Variants in STARD13 observed in about 807,000 individuals in gnomAD.
STARD13 encodes the protein StAR related lipid transfer domain containing 13.
In STARD13, 62 loss-of-function variants were observed where a neutral mutation model predicts 106.4. The ratio of observed to expected loss-of-function variants is 0.58; its 90% CI spans 0.48 to 0.72. STARD13 has a LOEUF of 0.72. Ranked by LOEUF, STARD13 falls within the 30% of genes least tolerant of loss-of-function variation. The pLI is 0.00. For synonymous variants in STARD13, 565 were observed against 553.0 expected (o/e 1.02, Z -0.31); for missense variants, 1,387 against 1,424.0 (o/e 0.97, Z 0.42).
the STARD13 span, among the ~76,000 whole-genome samples, chr13:33,500,002 C>T: frequency 1.3e-5 from 2 of 151,978 alleles, no homozygotes; most frequent in Non-Finnish European, 2.9e-5. Flanking sequence ...AATCCTCCCA[C>T]CTTGGCCTCC....
chr13:33,113,324 C>G (rs1184655409), intron 8 of STARD13: 4 of 368,082 alleles, frequency 1.1e-5, no homozygotes, highest in Non-Finnish European at 2.1e-5. Flanking sequence ...CCCTGACAGA[C>G]AGCTTGGGAA....
chr13:33,525,804 G>A, the STARD13 span, among the ~76,000 whole-genome samples: 27 of 152,214 alleles, frequency 1.8e-4, no homozygotes, highest in African/African-American at 5.8e-4. Flanking sequence ...GTTGTTTTTG[G>A]TGGGAGGGGG....
chr13:33,409,487 A>G, the STARD13 span, among the ~76,000 whole-genome samples: 1 of 152,350 alleles, frequency 6.6e-6, no homozygotes. Flanking sequence ...AAGTTACTAA[A>G]TGAGATAGAA....
the STARD13 span, among the ~76,000 whole-genome samples, chr13:33,523,410 G>A: frequency 7.2e-5 from 11 of 152,046 alleles, no homozygotes; most frequent in African/African-American, 2.7e-4. Context: ...AAGGACACAT[G>A]ATGTTTGCCT....
At chr13:33,606,087 G>A in the STARD13 span, among the ~76,000 whole-genome samples, 1 of 152,138 alleles carries the variant, frequency 6.6e-6, no homozygotes, top group African/African-American at 2.4e-5. Flanking sequence ...ATCAACTGAG[G>A]TCATGAGTTC....
downstream of STARD13, among the ~76,000 whole-genome samples, chr13:33,347,462 G>T (rs949190044): frequency 1.3e-5 from 2 of 152,058 alleles, no homozygotes; most frequent in Non-Finnish European, 2.9e-5. Context: ...GGCCAGGCTG[G>T]TCTCAAACTC....
intron 3 of STARD13, among the ~76,000 whole-genome samples, chr13:33,147,294 G>A (rs1036345754): frequency 6.6e-6 from 1 of 152,186 alleles, no homozygotes; most frequent in African/African-American, 2.4e-5. Flanking sequence ...AGAACTGTGT[G>A]TATACCCAGG....
the STARD13 span, among the ~76,000 whole-genome samples, chr13:33,366,544 A>G: frequency 6.6e-6 from 1 of 151,966 alleles, no homozygotes; most frequent in Non-Finnish European, 1.5e-5. This position sits in a 1 kb window ranked among gnomAD's most constrained non-coding sequence, Gnocchi z 4.2. Flanking sequence ...TAGATTTTTT[A>G]TTTTCCCTTT....
chr13:33,285,831 T>C, upstream of STARD13: 2 of 1,319,276 alleles, frequency 1.5e-6, no homozygotes, highest in South Asian at 3.4e-5. Flanking sequence ...CGGGAACCAA[T>C]GAGAGGAAGA....
intron 1 of STARD13, among the ~76,000 whole-genome samples, chr13:33,321,098 C>T (rs1344699193): frequency 6.6e-6 from 1 of 152,094 alleles, no homozygotes; most frequent in Non-Finnish European, 1.5e-5. Context: ...ATTATTATTG[C>T]TTAAAACTGA....
the STARD13 span, among the ~76,000 whole-genome samples, chr13:33,675,637 C>G: frequency 6.6e-6 from 1 of 152,100 alleles, no homozygotes; most frequent in African/African-American, 2.4e-5. Context: ...GAAAAGGGTA[C>G]AGTGAGGGTT....
At chr13:33,182,127 CAT>C (rs1466864793) in intron 1 of STARD13, among the ~76,000 whole-genome samples, 1 of 152,200 alleles carries the variant, frequency 6.6e-6, no homozygotes, top group African/African-American at 2.4e-5. Flanking sequence ...ATCATACACA[CAT>C]AGACTAAAAC....
At chr13:33,433,218 A>G in the STARD13 span, among the ~76,000 whole-genome samples, 1 of 152,204 alleles carries the variant, frequency 6.6e-6, no homozygotes, top group Non-Finnish European at 1.5e-5. Context: ...CAAAGTTCCT[A>G]CTAAGTATTG....
intron 1 of STARD13, among the ~76,000 whole-genome samples, chr13:33,204,080 G>A (rs567579012): frequency 3.4e-4 from 52 of 152,124 alleles, no homozygotes; most frequent in Non-Finnish European, 4.9e-4. Flanking sequence ...CTGTTACCTC[G>A]GTCCTTGAAA....
chr13:33,137,222 A>T (rs1270037279), intron 4 of STARD13, among the ~76,000 whole-genome samples: 1 of 152,208 alleles, frequency 6.6e-6, no homozygotes, highest in Admixed American at 6.5e-5. Flanking sequence ...AAAATAAGAA[A>T]ATCAGTCACT....
intron 1 of STARD13, among the ~76,000 whole-genome samples, chr13:33,311,103 G>A (rs1382745385): frequency 2.0e-5 from 3 of 150,428 alleles, no homozygotes; most frequent in African/African-American, 7.4e-5. Flanking sequence ...AGACCCACCT[G>A]GGCAACATAA....
the STARD13 span, among the ~76,000 whole-genome samples, chr13:33,510,249 C>T: frequency 6.6e-6 from 1 of 152,130 alleles, no homozygotes; most frequent in South Asian, 2.1e-4. Context: ...AAGTTGAAAG[C>T]AGTAACTGGA....
chr13:33,488,508 T>C, the STARD13 span, among the ~76,000 whole-genome samples: 1 of 152,214 alleles, frequency 6.6e-6, no homozygotes. Context: ...CTCAAAAATC[T>C]TCAATGGATC....
At chr13:33,607,117 C>T in the STARD13 span, among the ~76,000 whole-genome samples, 15,156 of 149,528 alleles carry the variant, frequency 0.1, 1,050 homozygotes, top group East Asian at 0.25. Flanking sequence ...TTTTTGCCTA[C>T]CGCAACTGAT....
Sources: gnomAD v4.1 joint callset for allele counts (sites outside exome capture counted in the v4.1 genomes callset) on GRCh38, gnomAD v4.1.1 for gene constraint, Gnocchi (gnomAD v3.1) non-coding constraint, MANE v1.5 for transcripts, NCBI Gene and HGNC (gene_info 2026-07-23, HGNC 2026-07-21) for gene names.